CAMTA1: variants seen among roughly 807,000 people sequenced by gnomAD.
CAMTA1 encodes calmodulin binding transcription activator 1.
A neutral mutation model predicts 170.9 loss-of-function variants in CAMTA1; 27 were observed. The ratio of observed to expected loss-of-function variants is 0.16; its 90% CI spans 0.12 to 0.22. The LOEUF is 0.22. CAMTA1 is among the 10% of genes least tolerant of loss of function. The pLI, the probability that CAMTA1 is intolerant of heterozygous loss-of-function variation, is 1.00. For synonymous variants in CAMTA1, 833 were observed against 891.5 expected (o/e 0.93, Z 1.17); for missense variants, 1,619 against 2,217.2 (o/e 0.73, Z 5.42).
At position 7,737,299 on chromosome 1, in the gene CAMTA1, G is replaced by A. The variant is rs1463087940; in HGVS notation, c.3387G>A (p.Leu1129=). ...GGCACTTGGAAGCTGCCGTCGTGCT[G>A]TACAAGTGGGACCGTCGGGCCATCT... ...ALGHLEAAVV[L]YKWDRRAISI... Residue 1129 remains leucine, a synonymous_variant, in exon 15 of 23, where the codon CTG becomes CTA. Coordinates refer to ENST00000303635, the MANE Select transcript of CAMTA1 (RefSeq NM_015215.4). 1 of 1,614,170 alleles carries A rather than the reference G, an allele frequency of 6.2e-7. No individual in the cohort carries two copies. Among genetic ancestry groups the A allele is most frequent in the Non-Finnish European group, 8.5e-7 (1 of 1,180,022 alleles).
chr1:7,108,248 A>T (rs891506081), intron 4 of CAMTA1, among the ~76,000 whole-genome samples: 2 of 152,190 alleles, frequency 1.3e-5, no homozygotes, highest in Non-Finnish European at 2.9e-5. Context: ...TCCATTTAGT[A>T]GCAGAAAATT....
At chr1:7,377,096 G>A (rs1214175590) in intron 5 of CAMTA1, among the ~76,000 whole-genome samples, 2 of 152,176 alleles carry the variant, frequency 1.3e-5, no homozygotes, top group African/African-American at 4.8e-5. Context: ...GTCCAACCCA[G>A]TCCCAACACA....
intron 3 of CAMTA1, among the ~76,000 whole-genome samples, chr1:6,936,950 T>C (rs1685415198): frequency 6.6e-6 from 1 of 151,904 alleles, no homozygotes; most frequent in Non-Finnish European, 1.5e-5. Context: ...ATTACGCCAC[T>C]GCACTCCAGC....
rs1189478918 is a variant in CAMTA1 at position 7,333,096 on chromosome 1, T to C, written c.438+83470T>C. On this transcript the variant is annotated intron_variant, in intron 5 of 22. Transcript: ENST00000303635. This position sits in a 1 kb window ranked among gnomAD's most constrained non-coding sequence, Gnocchi z 4.4. ...ATTGCTGCACCCACTCCAGCGGGCA[T>C]GAGCAACAGAATCCTCTTTAGTCCT... Among the ~76,000 whole-genome samples the C allele has an allele frequency of 6.6e-6, 1 of 152,206 alleles. No individual in the cohort carries two copies. The highest frequency in any genetic ancestry group is 6.5e-5 in the Admixed American group (1 of 15,274).
In CAMTA1 at chr1:7,741,063, G is replaced by T. The variant is rs565668944; in HGVS notation, c.4182+2581G>T. ...AGTGTGGTATATGTGAGAGGAATTT[G>T]TTAGGAAGGGACTCTTTAAATAGAA... On this transcript the variant is annotated intron_variant, in intron 16 of 22. Transcript: ENST00000303635. 6.6e-5 allele frequency among the ~76,000 whole-genome samples: 10 copies of T among 152,318 alleles called. No homozygotes were observed. In the East Asian group the frequency reaches 1.9e-3, roughly 29 times the overall value.
At chr1:7,119,316 C>T (rs1644511136) in intron 4 of CAMTA1, among the ~76,000 whole-genome samples, 1 of 152,126 alleles carries the variant, frequency 6.6e-6, no homozygotes, top group African/African-American at 2.4e-5. Flanking sequence ...AACACCAGTG[C>T]AGAGGGTGTT....
chr1:7,535,260 C>T (rs1337311701), intron 6 of CAMTA1, among the ~76,000 whole-genome samples: 1 of 151,944 alleles, frequency 6.6e-6, no homozygotes, highest in Non-Finnish European at 1.5e-5. Flanking sequence ...TGGCAGGGCC[C>T]CCGGTCCTCT....
At chr1:7,657,095 C>T (rs960975356) in intron 7 of CAMTA1, among the ~76,000 whole-genome samples, 8 of 152,240 alleles carry the variant, frequency 5.3e-5, no homozygotes, top group Admixed American at 2.6e-4. Context: ...GGACACCTTT[C>T]GAGGAGCCAG....
chr1:7,292,492 C>T (rs1043183462), intron 5 of CAMTA1, among the ~76,000 whole-genome samples: 4 of 152,110 alleles, frequency 2.6e-5, no homozygotes, highest in African/African-American at 7.2e-5. Flanking sequence ...CCCCCAGCCT[C>T]GCCATTCATC....
chr1:6,902,076 A>T (rs202022523), intron 3 of CAMTA1, among the ~76,000 whole-genome samples: 1 of 78,262 alleles, frequency 1.3e-5, no homozygotes, highest in East Asian at 3.3e-4. Flanking sequence ...CACACACAAA[A>T]AAAAAAATAA....
intron 1 of CAMTA1, chr1:6,806,941 C>T (rs1188606070): frequency 2.1e-6 from 1 of 477,816 alleles, no homozygotes; most frequent in Non-Finnish European, 3.8e-6. Flanking sequence ...TTTTAAGTCA[C>T]TTCATTTACT....
chr1:6,914,967 C>T (rs1680479640), intron 3 of CAMTA1, among the ~76,000 whole-genome samples: 1 of 152,196 alleles, frequency 6.6e-6, no homozygotes, highest in South Asian at 2.1e-4. Flanking sequence ...AAAGGCATGC[C>T]TTTGGCCGGA....
At chr1:7,688,805 A>C (rs1352583751) in intron 11 of CAMTA1, among the ~76,000 whole-genome samples, 1 of 152,204 alleles carries the variant, frequency 6.6e-6, no homozygotes, top group South Asian at 2.1e-4. Context: ...TGACACCAGG[A>C]CATTCAAAAT....
intron 4 of CAMTA1, among the ~76,000 whole-genome samples, chr1:7,241,570 C>T (rs1664862275): frequency 6.6e-6 from 1 of 152,110 alleles, no homozygotes. Context: ...CTGCTACAAT[C>T]AAGATAGATA....
chr1:7,293,517 C>T lies in CAMTA1; in HGVS notation c.438+43891C>T, dbSNP rs746884633. 1.3e-5 allele frequency among the ~76,000 whole-genome samples: 2 copies of T among 152,150 alleles called. No individual in the cohort carries two copies. The highest frequency in any genetic ancestry group is 6.5e-5 in the Admixed American group (1 of 15,272). On this transcript the variant is annotated intron_variant, in intron 5 of 22. Transcript: ENST00000303635. The surrounding 1 kb of genome is among the most constrained non-coding windows in gnomAD (Gnocchi z 4.1). ...TCCATGATCCATGTGCATGTGTTCC[C>T]GGTTTTGTTTGTCATTTGCTTTCTT...
chr1:7,236,748 T>G (rs1663944243), intron 4 of CAMTA1, among the ~76,000 whole-genome samples: 1 of 152,248 alleles, frequency 6.6e-6, no homozygotes, highest in Admixed American at 6.5e-5. Flanking sequence ...ATGGTCGCAG[T>G]TGTCCTGGTT....
At chr1:6,964,579 T>G (rs923651844) in intron 3 of CAMTA1, among the ~76,000 whole-genome samples, 7 of 152,216 alleles carry the variant, frequency 4.6e-5, no homozygotes, top group Non-Finnish European at 8.8e-5. Flanking sequence ...TAGGTCCATA[T>G]GGACACTTTA....
chr1:7,466,189 G>C (rs537775105), intron 5 of CAMTA1, among the ~76,000 whole-genome samples: 2 of 152,218 alleles, frequency 1.3e-5, no homozygotes, highest in Non-Finnish European at 2.9e-5. Flanking sequence ...GGCAAGGAGT[G>C]AGTTATCAAA....
At chr1:6,851,927 T>C (rs1201069794) in intron 3 of CAMTA1, among the ~76,000 whole-genome samples, 1 of 151,604 alleles carries the variant, frequency 6.6e-6, no homozygotes, top group Non-Finnish European at 1.5e-5. Context: ...GGCACGAGAA[T>C]TGCTTGAACC....
Sources: gnomAD v4.1 joint callset for allele counts (sites outside exome capture counted in the v4.1 genomes callset) on GRCh38, gnomAD v4.1.1 for gene constraint, Gnocchi (gnomAD v3.1) non-coding constraint, MANE v1.5 for transcripts, NCBI Gene and HGNC (gene_info 2026-07-23, HGNC 2026-07-21) for gene names.